ABLIM1: variants seen among roughly 807,000 people sequenced by gnomAD.
The protein encoded by ABLIM1 is actin-binding LIM protein 1.
A neutral mutation model predicts 107.0 loss-of-function variants in ABLIM1; 40 were observed. That is an observed-to-expected ratio of 0.37 (90% CI 0.29 to 0.49). The LOEUF (loss-of-function observed/expected upper bound fraction) is 0.49, where lower values mean the gene tolerates loss of function less well. Ranked by LOEUF, ABLIM1 falls within the 20% of genes least tolerant of loss-of-function variation. The pLI, the probability that ABLIM1 is intolerant of heterozygous loss-of-function variation, is 0.97. For missense variants in ABLIM1, 857 were observed against 1,008.5 expected (o/e 0.85, Z 2.04); for synonymous variants, 357 against 357.3 (o/e 1.00, Z 0.01).
At chr10:114,693,790 G>C (rs1187263043) in intron 1 of ABLIM1, among the ~76,000 whole-genome samples, 1 of 151,688 alleles carries the variant, frequency 6.6e-6, no homozygotes, top group Non-Finnish European at 1.5e-5. Context: ...CTAGGACACA[G>C]GCACATGCTA....
chr10:114,689,578 T>C (rs1038873733), upstream of ABLIM1, among the ~76,000 whole-genome samples: 1 of 152,042 alleles, frequency 6.6e-6, no homozygotes. Context: ...GCCAGGCTGG[T>C]CTTGAACTCC....
At chr10:114,551,404 A>C (rs2068040965) in intron 4 of ABLIM1, among the ~76,000 whole-genome samples, 1 of 152,262 alleles carries the variant, frequency 6.6e-6, no homozygotes, top group Non-Finnish European at 1.5e-5. Flanking sequence ...CAGAGGCTGA[A>C]GCGGAGTTAC....
At chr10:114,557,488 T>C (rs1405690007) in intron 4 of ABLIM1, among the ~76,000 whole-genome samples, 1 of 152,186 alleles carries the variant, frequency 6.6e-6, no homozygotes, top group Non-Finnish European at 1.5e-5. Flanking sequence ...ATAAATCTTA[T>C]CTTTCCTCTG....
At chr10:114,557,127 T>C (rs2068847951) in intron 4 of ABLIM1, among the ~76,000 whole-genome samples, 1 of 152,160 alleles carries the variant, frequency 6.6e-6, no homozygotes, top group South Asian at 2.1e-4. Context: ...TATACATATT[T>C]TACATCTCAG....
chr10:114,602,103 T>C, intron 1 of ABLIM1, 142 bp from the exon 2 acceptor site: 1 of 1,140,974 alleles, frequency 8.8e-7, no homozygotes, highest in Non-Finnish European at 1.2e-6. Flanking sequence ...CTCCAAGTCA[T>C]AATCCTAGAG....
chr10:114,517,934 T>G (rs1041466383), intron 6 of ABLIM1, among the ~76,000 whole-genome samples: 1 of 152,042 alleles, frequency 6.6e-6, no homozygotes, highest in Non-Finnish European at 1.5e-5. Context: ...GAACAAGACA[T>G]CATCTGTGTC....
At chr10:114,562,485 C>T (rs901291631) in intron 4 of ABLIM1, among the ~76,000 whole-genome samples, 9 of 152,114 alleles carry the variant, frequency 5.9e-5, no homozygotes, top group South Asian at 2.1e-4. Context: ...GCCAAGATCG[C>T]GCCACTGCAG....
intron 1 of ABLIM1, among the ~76,000 whole-genome samples, chr10:114,754,523 G>A (rs1216773075): frequency 6.6e-6 from 1 of 152,130 alleles, no homozygotes. Flanking sequence ...AGTTTGGGTG[G>A]GAAGAAATTT....
chr10:114,662,279 A>G (rs914140742), upstream of ABLIM1, among the ~76,000 whole-genome samples: 1 of 152,208 alleles, frequency 6.6e-6, no homozygotes, highest in East Asian at 1.9e-4. Context: ...AAAAGAGCTC[A>G]GCATGCCTTC....
At chr10:114,580,617 G>A (rs1201960213) in intron 2 of ABLIM1, among the ~76,000 whole-genome samples, 1 of 152,138 alleles carries the variant, frequency 6.6e-6, no homozygotes, top group African/African-American at 2.4e-5. Context: ...ATTTGTATAA[G>A]AGTCCTATAC....
chr10:114,798,555 G>A, the ABLIM1 span, among the ~76,000 whole-genome samples: 1 of 73,814 alleles, frequency 1.4e-5, no homozygotes, highest in Admixed American at 1.3e-4. Flanking sequence ...AAGATGATGA[G>A]ACCCCCCCCC....
intron 4 of ABLIM1, among the ~76,000 whole-genome samples, 173 bp from the exon 5 acceptor site, chr10:114,547,949 A>G (rs1434314119): frequency 6.6e-6 from 1 of 152,212 alleles, no homozygotes; most frequent in Non-Finnish European, 1.5e-5. Context: ...GAAGGCTCAC[A>G]GGCTGCGTCC....
chr10:114,696,378 C>T (rs2081193422), intron 1 of ABLIM1, among the ~76,000 whole-genome samples: 1 of 152,192 alleles, frequency 6.6e-6, no homozygotes, highest in African/African-American at 2.4e-5. Context: ...TTGCTGTGAC[C>T]TCACATGGAT....
the ABLIM1 span, among the ~76,000 whole-genome samples, chr10:114,783,048 G>A: frequency 2.0e-5 from 3 of 152,034 alleles, no homozygotes; most frequent in South Asian, 2.1e-4. Flanking sequence ...TTGGGAGGCC[G>A]AGGCAGATGG....
intron 1 of ABLIM1, chr10:114,610,644 C>T (rs1382078147): frequency 1.3e-5 from 2 of 152,212 alleles, no homozygotes; most frequent in Non-Finnish European, 2.9e-5. Context: ...GGCCCATTTC[C>T]TGCTGTGGCA....
intron 1 of ABLIM1, among the ~76,000 whole-genome samples, chr10:114,670,807 T>C (rs11196855): frequency 0.52 from 79,582 of 152,196 alleles, 20,897 homozygotes; most frequent in East Asian, 0.66. Context: ...TCCACAGATT[T>C]TTTTCCATGA....
rs2082578913 is a variant in ABLIM1 at position 114,754,140 on chromosome 10, CTG to C, written c.-213+13919_-213+13920del. On this transcript the variant is annotated intron_variant, in intron 1 of 15. Transcript: ENST00000651092. ...GTGCTGGGATTACAGGTGTGAGCCA[CTG>C]CGCCCAGCCCTCTGGTCAGGTTTAA... Among the ~76,000 whole-genome samples, 9 of 152,324 alleles carry C rather than the reference CTG, an allele frequency of 5.9e-5. No individual in the cohort carries two copies. In the South Asian group the frequency reaches 6.2e-4, roughly 11 times the overall value.
At chr10:114,767,823 G>T (rs1176082974) in intron 1 of ABLIM1, among the ~76,000 whole-genome samples, 1 of 152,166 alleles carries the variant, frequency 6.6e-6, no homozygotes, top group African/African-American at 2.4e-5. Context: ...ACGCGCGGCG[G>T]GCACAGGTGA....
At chr10:114,545,461 A>G (rs1231204232) in intron 5 of ABLIM1, among the ~76,000 whole-genome samples, 1 of 152,226 alleles carries the variant, frequency 6.6e-6, no homozygotes, top group East Asian at 1.9e-4. Context: ...CCACATAACA[A>G]TAATTAATAA....
Sources: gnomAD v4.1 joint callset for allele counts (sites outside exome capture counted in the v4.1 genomes callset) on GRCh38, gnomAD v4.1.1 for gene constraint, MANE v1.5 for transcripts, NCBI Gene and HGNC (gene_info 2026-07-23, HGNC 2026-07-21) for gene names.